Variants in OGDH observed in about 807,000 individuals in gnomAD.
OGDH encodes 2-oxoglutarate dehydrogenase complex component E1.
In OGDH, 38 loss-of-function variants were observed where a neutral mutation model predicts 116.6. The observed-to-expected ratio is 0.33, with a 90% CI of 0.25 to 0.43. OGDH has a LOEUF of 0.43. Among genes scored for constraint, OGDH ranks in the 20% least tolerant of loss-of-function variants. The pLI is 1.00. For synonymous variants in OGDH, 488 were observed against 533.3 expected (o/e 0.92, Z 1.17); for missense variants, 825 against 1,357.2 (o/e 0.61, Z 6.16).
intron 9 of OGDH, among the ~76,000 whole-genome samples, chr7:44,678,988 C>T (rs892796380): frequency 6.6e-6 from 1 of 152,192 alleles, no homozygotes; most frequent in African/African-American, 2.4e-5. Flanking sequence ...AGCATTTCCT[C>T]AGTGCAGCAA....
At chr7:44,696,663 A>T (rs996789570) in intron 14 of OGDH, 106 bp downstream of exon 14, 1 of 1,493,278 alleles carries the variant, frequency 6.7e-7, no homozygotes, top group Non-Finnish European at 9.1e-7. Context: ...TCCTACAGAG[A>T]CTCCCTTCCT....
chr7:44,639,006 A>G (rs1443478594), intron 2 of OGDH, among the ~76,000 whole-genome samples: 2 of 152,232 alleles, frequency 1.3e-5, no homozygotes, highest in Non-Finnish European at 1.5e-5. Flanking sequence ...ACGCTCTCCC[A>G]GATAGTGACA....
chr7:44,671,024 A>AG (rs1377147079), intron 5 of OGDH, among the ~76,000 whole-genome samples: 2 of 151,374 alleles, frequency 1.3e-5, no homozygotes, highest in East Asian at 1.9e-4. Flanking sequence ...AAAAAAAAAA[A>AG]AAAAGAAAAG....
intron 10 of OGDH, among the ~76,000 whole-genome samples, chr7:44,690,348 C>T (rs1433926224): frequency 2.0e-5 from 3 of 152,148 alleles, no homozygotes; most frequent in African/African-American, 7.2e-5. Flanking sequence ...AGAGGAGAAA[C>T]CATTTGGCCC....
At chr7:44,618,147 T>A (rs2117259154) in intron 1 of OGDH, among the ~76,000 whole-genome samples, 1 of 152,358 alleles carries the variant, frequency 6.6e-6, no homozygotes, top group Middle Eastern at 3.4e-3. Flanking sequence ...TATTTTTGCA[T>A]CTTGAAATTA....
intron 2 of OGDH, among the ~76,000 whole-genome samples, chr7:44,630,072 T>C (rs1277114917): frequency 1.3e-5 from 2 of 152,222 alleles, no homozygotes; most frequent in African/African-American, 2.4e-5. Flanking sequence ...TTCGTGCTTA[T>C]GAAACACAGT....
At chr7:44,684,135 T>G (rs571658753) in intron 10 of OGDH, among the ~76,000 whole-genome samples, 8 of 151,810 alleles carry the variant, frequency 5.3e-5, no homozygotes, top group African/African-American at 1.9e-4. Context: ...AGGAGAGAGG[T>G]CCTAGTGTCT....
chr7:44,670,655 C>T (rs1787392931), intron 5 of OGDH, among the ~76,000 whole-genome samples: 1 of 152,178 alleles, frequency 6.6e-6, no homozygotes, highest in African/African-American at 2.4e-5. Context: ...ACACCCTCTT[C>T]TTGTATTTTT....
intron 2 of OGDH, among the ~76,000 whole-genome samples, chr7:44,635,512 C>A (rs755554381): frequency 6.6e-6 from 1 of 151,950 alleles, no homozygotes; most frequent in Non-Finnish European, 1.5e-5. Context: ...GTGGGCTGGG[C>A]TTGTTCTGTG....
At chr7:44,615,451 A>G (rs555653086) in intron 1 of OGDH, among the ~76,000 whole-genome samples, 174 of 152,280 alleles carry the variant, frequency 1.1e-3, no homozygotes, top group African/African-American at 4.1e-3. Flanking sequence ...CTATCTTATC[A>G]GGGAGTGAGT....
chr7:44,647,588 C>A, intron 3 of OGDH, 69 bp from the exon 4 acceptor site: 1 of 1,570,090 alleles, frequency 6.4e-7, no homozygotes, highest in Non-Finnish European at 8.7e-7. Flanking sequence ...TTTTTTTTAC[C>A]CCTTCCCTCT....
intron 4 of OGDH, among the ~76,000 whole-genome samples, chr7:44,659,373 C>A (rs718336): frequency 0.017 from 2,601 of 152,196 alleles, 27 homozygotes; most frequent in Non-Finnish European, 0.025. Flanking sequence ...TTTGTACTAT[C>A]TTTGCTTTTG....
At chr7:44,667,404 C>G (rs993525751) in intron 5 of OGDH, among the ~76,000 whole-genome samples, 1 of 152,170 alleles carries the variant, frequency 6.6e-6, no homozygotes, top group Admixed American at 6.5e-5. Context: ...GTCACTTCAA[C>G]CCTGAGGGAC....
At chr7:44,640,388 A>G (rs938256480) in intron 2 of OGDH, among the ~76,000 whole-genome samples, 2 of 152,152 alleles carry the variant, frequency 1.3e-5, no homozygotes, top group Non-Finnish European at 2.9e-5. Context: ...GGAAAAGCCC[A>G]CAGAGAGCCT....
At chr7:44,617,509 A>G (rs1485169482) in intron 1 of OGDH, among the ~76,000 whole-genome samples, 5 of 152,184 alleles carry the variant, frequency 3.3e-5, no homozygotes, top group Non-Finnish European at 7.3e-5. Context: ...AATCCTCACT[A>G]CTTCCCTCAG....
At chr7:44,668,834 CAAATA>C (rs1052055979) in intron 5 of OGDH, among the ~76,000 whole-genome samples, 3 of 152,156 alleles carry the variant, frequency 2.0e-5, no homozygotes, top group African/African-American at 7.2e-5. Flanking sequence ...TACATCGGGT[CAAATA>C]AAATAGGAAA....
chr7:44,705,051 C>CTTTTTTTTT lies in OGDH; in HGVS notation c.2633-2163_2633-2155dup, dbSNP rs777624714. Among the ~76,000 whole-genome samples the CTTTTTTTTT allele has an allele frequency of 4.6e-4, 43 of 93,924 alleles. 4 individuals carry two copies. The highest frequency in any genetic ancestry group is 2.1e-3 in the African/African-American group (35 of 17,072). The allele number at this position is 93,924 out of a possible 152,430, so 61.6% of individuals were successfully genotyped here. On this transcript the variant is annotated intron_variant, in intron 20 of 22. Transcript: ENST00000222673. ...TTGATGTACAAAAGTTTTTAATTTT[C>CTTTTTTTTT]TTTTTTTTTTTTTTTTTTTGAGACG...
At chr7:44,664,223 G>C (rs147915493) in intron 4 of OGDH, among the ~76,000 whole-genome samples, 1 of 152,202 alleles carries the variant, frequency 6.6e-6, no homozygotes, top group Admixed American at 6.5e-5. Context: ...GTTATTGCCA[G>C]CAGAGGTGGA....
intron 2 of OGDH, among the ~76,000 whole-genome samples, chr7:44,630,385 A>G (rs1309533145): frequency 6.6e-6 from 1 of 152,242 alleles, no homozygotes; most frequent in East Asian, 1.9e-4. Context: ...TGTTCACGTG[A>G]CAAGGAACAG....
Sources: gnomAD v4.1 joint callset for allele counts (sites outside exome capture counted in the v4.1 genomes callset) on GRCh38, gnomAD v4.1.1 for gene constraint, MANE v1.5 for transcripts, NCBI Gene and HGNC (gene_info 2026-07-23, HGNC 2026-07-21) for gene names.